Variants in PRRX1 observed in about 807,000 individuals in gnomAD.
The protein encoded by PRRX1 is paired related homeobox 1.
In PRRX1, 8 loss-of-function variants were observed where a neutral mutation model predicts 24.0. The ratio of observed to expected loss-of-function variants is 0.33; its 90% CI spans 0.20 to 0.60. PRRX1 has a LOEUF of 0.60. Ranked by LOEUF, PRRX1 falls within the 20% of genes least tolerant of loss-of-function variation. The pLI is 0.82. For synonymous variants in PRRX1, 160 were observed against 131.7 expected (o/e 1.22, Z -1.47); for missense variants, 281 against 322.4 (o/e 0.87, Z 0.98).
chr1:170,722,380 T>A (rs112234795), intron 2 of PRRX1, among the ~76,000 whole-genome samples: 3,561 of 152,298 alleles, frequency 0.023, 139 homozygotes, highest in African/African-American at 0.077. Flanking sequence ...CTTTTCCTCT[T>A]TTTTTCCTCA....
chr1:170,731,924 G>A (rs1361353702), intron 3 of PRRX1, among the ~76,000 whole-genome samples: 2 of 152,168 alleles, frequency 1.3e-5, no homozygotes, highest in African/African-American at 2.4e-5. Flanking sequence ...CTTGGTCACT[G>A]ACACAAAGAA....
intron 1 of PRRX1, among the ~76,000 whole-genome samples, chr1:170,675,323 T>C (rs1207782530): frequency 1.3e-5 from 2 of 152,186 alleles, no homozygotes; most frequent in Non-Finnish European, 2.9e-5. Context: ...TAGACCACAG[T>C]TAGAGAACTA....
Position 170,726,351 on chromosome 1 carries a change from T to G in PRRX1, c.549T>G (p.Pro183=), listed in dbSNP as rs1479628790. ...TGGAGCAGCCCATCGTACCTCGTCC[T>G]GCTCCGAGACCCACCGATTATCTCT... The part of the protein sequence containing the change: ...TAVEQPIVPR[P]APRPTDYLSW... Residue 183 remains proline (P), a synonymous_variant, in exon 3 of 4, where the codon CCT becomes CCG. Coordinates refer to ENST00000239461, the MANE Select transcript of PRRX1 (RefSeq NM_022716.4). 6.2e-7 allele frequency: 1 copy of G among 1,614,144 alleles called. No individual in the cohort carries two copies.
Position 170,736,568 on chromosome 1 carries a change from A to C in PRRX1, c.*382A>C, listed in dbSNP as rs1391356565. The C allele has an allele frequency of 1.9e-5, 4 of 213,158 alleles. No homozygotes were observed. Among genetic ancestry groups the C allele is most frequent in the African/African-American group, 4.9e-5 (2 of 40,860 alleles). 13.2% of individuals were successfully genotyped at this position (213,158 alleles called of 1,614,324 possible). The stretch of plus-strand genomic sequence containing the variant: ...ACTATATATATATATATATATATAT[A>C]TATCCAGAATGATTGCCTCTACTGT... On this transcript the variant is annotated 3_prime_UTR_variant, in exon 4 of 4. Coordinates refer to ENST00000239461, the MANE Select transcript of PRRX1 (RefSeq NM_022716.4).
chr1:170,682,557 T>C (rs1425871706), intron 1 of PRRX1, among the ~76,000 whole-genome samples: 2 of 152,152 alleles, frequency 1.3e-5, no homozygotes, highest in African/African-American at 4.8e-5. Context: ...TAGGTTTAAA[T>C]GTTATGTTTG....
upstream of PRRX1, chr1:170,663,126 C>G (rs537273554): frequency 1.4e-5 from 2 of 145,806 alleles, no homozygotes; most frequent in Admixed American, 1.4e-4. Context: ...CCCTTTCTCT[C>G]TAACTCTGAT....
At chr1:170,732,953 A>C (rs183558102) in intron 3 of PRRX1, among the ~76,000 whole-genome samples, 1 of 152,292 alleles carries the variant, frequency 6.6e-6, no homozygotes, top group Non-Finnish European at 1.5e-5. Context: ...AGACGAGGGC[A>C]CTGTTCTTTA....
At chr1:170,706,206 G>C (rs760828471) in intron 1 of PRRX1, among the ~76,000 whole-genome samples, 12 of 152,100 alleles carry the variant, frequency 7.9e-5, no homozygotes, top group African/African-American at 1.2e-4. Flanking sequence ...AATAGTCAAA[G>C]ACATTGCAGA....
intron 1 of PRRX1, among the ~76,000 whole-genome samples, chr1:170,672,689 C>T (rs1407265254): frequency 6.6e-6 from 1 of 152,214 alleles, no homozygotes; most frequent in East Asian, 1.9e-4. Flanking sequence ...CCAGGATATG[C>T]TAAGTTCAAT....
At chr1:170,679,527 G>A (rs1001770315) in intron 1 of PRRX1, among the ~76,000 whole-genome samples, 5 of 152,118 alleles carry the variant, frequency 3.3e-5, no homozygotes, top group African/African-American at 1.2e-4. Flanking sequence ...AGCCTCCCTA[G>A]TAGCTGGGAC....
intron 1 of PRRX1, among the ~76,000 whole-genome samples, chr1:170,696,228 G>A (rs993079774): frequency 6.6e-6 from 1 of 151,522 alleles, no homozygotes; most frequent in African/African-American, 2.4e-5. Context: ...TGTAAACCCT[G>A]TGGGTGTTAT....
At chr1:170,703,464 A>G (rs1022993184) in intron 1 of PRRX1, among the ~76,000 whole-genome samples, 4 of 152,234 alleles carry the variant, frequency 2.6e-5, no homozygotes, top group African/African-American at 9.6e-5. Context: ...ATTCAGAAAT[A>G]TTTATTAAGT....
chr1:170,711,152 T>G (rs187945397), intron 1 of PRRX1, among the ~76,000 whole-genome samples: 137 of 152,326 alleles, frequency 9.0e-4, no homozygotes, highest in African/African-American at 3.2e-3. Context: ...TTTGACCATT[T>G]TAGCATGTTT....
At chr1:170,664,089 CT>C, upstream of PRRX1, 1 of 468,398 alleles carries the variant, frequency 2.1e-6, no homozygotes, top group Non-Finnish European at 3.1e-6. Flanking sequence ...CTCTTCCTCC[CT>C]CTCTCTCTCT....
At chr1:170,720,205 G>C (rs936161433) in intron 2 of PRRX1, among the ~76,000 whole-genome samples, 3 of 152,134 alleles carry the variant, frequency 2.0e-5, no homozygotes, top group Admixed American at 1.3e-4. Context: ...TTGAGCCTGG[G>C]GGGTGGAGGT....
At chr1:170,727,555 A>C (rs997647385) in intron 3 of PRRX1, 1 of 152,250 alleles carries the variant, frequency 6.6e-6, no homozygotes, top group African/African-American at 2.4e-5. Flanking sequence ...GAAATGCTAC[A>C]TTTTTGAAAT....
At chr1:170,717,362 A>C (rs1441249086) in intron 1 of PRRX1, among the ~76,000 whole-genome samples, 2 of 152,238 alleles carry the variant, frequency 1.3e-5, no homozygotes, top group Non-Finnish European at 2.9e-5. Context: ...GCAGGTTGTA[A>C]TACTAAGAAC....
At chr1:170,714,816 C>T (rs1654856461) in intron 1 of PRRX1, among the ~76,000 whole-genome samples, 1 of 152,196 alleles carries the variant, frequency 6.6e-6, no homozygotes. Flanking sequence ...CCAGAGTGAA[C>T]TTCATACTAG....
intron 1 of PRRX1, among the ~76,000 whole-genome samples, chr1:170,670,198 T>C (rs1653101553): frequency 6.6e-6 from 1 of 152,242 alleles, no homozygotes; most frequent in South Asian, 2.1e-4. Context: ...TTTACTTTGA[T>C]GCTTTTTGAG....
Sources: allele counts gnomAD v4.1 joint callset (sites outside exome capture counted in the v4.1 genomes callset), GRCh38; gene constraint gnomAD v4.1.1; transcripts MANE v1.5; gene names NCBI Gene and HGNC (gene_info 2026-07-23, HGNC 2026-07-21).